ST18: variants seen among roughly 807,000 people sequenced by gnomAD.
ST18 encodes suppression of tumorigenicity 18 protein.
In ST18, 50 loss-of-function variants were observed where a neutral mutation model predicts 110.0. The observed-to-expected ratio is 0.45, with a 90% confidence interval of 0.36 to 0.58. ST18 has a LOEUF of 0.58. Ranked by LOEUF, ST18 falls within the 20% of genes least tolerant of loss-of-function variation. The pLI is 0.00. For synonymous variants in ST18, 461 were observed against 452.4 expected (o/e 1.02, Z -0.24); for missense variants, 1,306 against 1,280.1 (o/e 1.02, Z -0.31).
chr8:52,213,230 T>A (rs2082858645), intron 7 of ST18, among the ~76,000 whole-genome samples: 1 of 152,134 alleles, frequency 6.6e-6, no homozygotes. Context: ...ATAACCATGG[T>A]TATATTGTAA....
At chr8:52,215,040 C>T (rs2083611683) in intron 6 of ST18, among the ~76,000 whole-genome samples, 1 of 152,216 alleles carries the variant, frequency 6.6e-6, no homozygotes, top group Non-Finnish European at 1.5e-5. Flanking sequence ...CACTTCTGCA[C>T]ATTATCAGGA....
chr8:52,323,834 T>C (rs1805087271), intron 2 of ST18, among the ~76,000 whole-genome samples: 1 of 152,148 alleles, frequency 6.6e-6, no homozygotes, highest in Non-Finnish European at 1.5e-5. Context: ...AAACAGAGAA[T>C]AGCACAGAGT....
intron 2 of ST18, among the ~76,000 whole-genome samples, chr8:52,251,928 C>A (rs1187476688): frequency 6.6e-6 from 1 of 151,996 alleles, no homozygotes; most frequent in Non-Finnish European, 1.5e-5. Flanking sequence ...TCATATCAAA[C>A]AATTATGATC....
At chr8:52,224,794 T>C in intron 3 of ST18, among the ~76,000 whole-genome samples, 1 of 152,250 alleles carries the variant, frequency 6.6e-6, no homozygotes, top group East Asian at 1.9e-4. Context: ...TTGTTGTAAA[T>C]ATACACACAA....
chr8:52,243,080 T>C lies in ST18; in HGVS notation c.-464-13003A>G, dbSNP rs553176192. On this transcript the variant is annotated intron_variant, in intron 2 of 25. Transcript: ENST00000689386. ...CAAATGTTGAACCTTCGATCTAATA[T>C]GTAGCATCAGAGCTGAAGCTCCTGT... Among the ~76,000 whole-genome samples, 12 of 152,286 alleles carry C rather than the reference T, an allele frequency of 7.9e-5. No homozygotes were observed. The South Asian group carries it at 2.5e-3, about 32-fold the overall frequency.
chr8:52,267,504 AC>A (rs34495994), intron 2 of ST18, among the ~76,000 whole-genome samples: 2 of 144,180 alleles, frequency 1.4e-5, no homozygotes, highest in African/African-American at 5.2e-5. Context: ...AAAAAAAAAA[AC>A]CCAAAACCCT....
intron 9 of ST18, 121 bp downstream of exon 9, chr8:52,180,001 T>C (rs1487859515): frequency 3.4e-5 from 37 of 1,101,174 alleles, no homozygotes; most frequent in Non-Finnish European, 4.4e-5. Context: ...TTCATTTTGC[T>C]TCCAAATCTT....
intron 2 of ST18, chr8:52,246,804 G>T (rs1478261406): frequency 6.6e-6 from 1 of 152,170 alleles, no homozygotes; most frequent in African/African-American, 2.4e-5. Flanking sequence ...TATGCCAGGG[G>T]CATTAGGTAT....
intron 2 of ST18, among the ~76,000 whole-genome samples, chr8:52,244,976 C>T (rs956818439): frequency 6.6e-6 from 1 of 152,064 alleles, no homozygotes; most frequent in Admixed American, 6.5e-5. Flanking sequence ...TAATTTTTGC[C>T]CCTTTCTAGA....
At chr8:52,401,991 G>A (rs1842924715) in intron 2 of ST18, among the ~76,000 whole-genome samples, 1 of 152,160 alleles carries the variant, frequency 6.6e-6, no homozygotes, top group South Asian at 2.1e-4. Context: ...GGTCAGCAGA[G>A]TACTTGGCTC....
intron 2 of ST18, among the ~76,000 whole-genome samples, chr8:52,391,907 A>T (rs527974125): frequency 6.6e-6 from 1 of 152,192 alleles, no homozygotes; most frequent in Admixed American, 6.5e-5. Context: ...GGAAAAGGGA[A>T]GAAGGGCACT....
intron 2 of ST18, among the ~76,000 whole-genome samples, chr8:52,359,009 A>C (rs1167661932): frequency 6.6e-6 from 1 of 152,040 alleles, no homozygotes; most frequent in African/African-American, 2.4e-5. Context: ...ATAACATCAT[A>C]TTAAGAGGAT....
intron 2 of ST18, among the ~76,000 whole-genome samples, chr8:52,299,720 T>G (rs2095687906): frequency 6.6e-6 from 1 of 152,252 alleles, no homozygotes. Context: ...CTGAGACCAC[T>G]TTAAATTAAA....
chr8:52,241,996 T>A lies in ST18; in HGVS notation c.-464-11919A>T, dbSNP rs142656312. 3.3e-3 allele frequency among the ~76,000 whole-genome samples: 497 copies of A among 152,324 alleles called. 2 individuals carry two copies. The highest frequency in any genetic ancestry group is 9.5e-3 in the African/African-American group (397 of 41,578). On this transcript the variant is annotated intron_variant, in intron 2 of 25. Coordinates refer to ENST00000689386, the MANE Select transcript of ST18 (RefSeq NM_001352837.2). The stretch of plus-strand genomic sequence containing the variant: ...ATGTTAAAGTTTCTCTGCTAGGTAC[T>A]GAGGAGAATAAAATGATTTTAAATA...
intron 2 of ST18, among the ~76,000 whole-genome samples, chr8:52,274,116 A>T (rs1369749818): frequency 1.3e-5 from 2 of 152,208 alleles, no homozygotes; most frequent in African/African-American, 4.8e-5. Flanking sequence ...AAAAGAAGCT[A>T]AAGAAGAACA....
intron 2 of ST18, among the ~76,000 whole-genome samples, chr8:52,391,673 C>T (rs944001108): frequency 2.6e-5 from 4 of 152,178 alleles, no homozygotes; most frequent in African/African-American, 9.7e-5. Context: ...CCCCTATAGC[C>T]TAGATGTGTA....
chr8:52,360,942 C>CT (rs992682334), intron 2 of ST18, among the ~76,000 whole-genome samples: 5 of 152,272 alleles, frequency 3.3e-5, no homozygotes, highest in African/African-American at 1.2e-4. Context: ...ACTGCCAAGC[C>CT]TGCTGAAATG....
intron 2 of ST18, among the ~76,000 whole-genome samples, chr8:52,339,584 A>T (rs927691909): frequency 6.6e-6 from 1 of 152,212 alleles, no homozygotes; most frequent in African/African-American, 2.4e-5. Context: ...GACTTGCCTG[A>T]TGGCTTCTGC....
chr8:52,173,141 T>C (rs1035588240), intron 9 of ST18, among the ~76,000 whole-genome samples: 1 of 152,220 alleles, frequency 6.6e-6, no homozygotes, highest in African/African-American at 2.4e-5. Context: ...TTAGCTAAGA[T>C]ACAAAATACA....
Sources: allele counts gnomAD v4.1 joint callset (sites outside exome capture counted in the v4.1 genomes callset), GRCh38; gene constraint gnomAD v4.1.1; transcripts MANE v1.5; gene names NCBI Gene and HGNC (gene_info 2026-07-23, HGNC 2026-07-21).